Variants in WDR72 observed in about 807,000 individuals in gnomAD.
WDR72 encodes the protein WD repeat domain 72.
In WDR72, 120 loss-of-function variants were observed where a neutral mutation model predicts 124.2. The ratio of observed to expected loss-of-function variants is 0.97; its 90% CI spans 0.83 to 1.12. The LOEUF is 1.12. Ranked by LOEUF, WDR72 falls within the 50% of genes most tolerant of loss-of-function variation. WDR72 has a pLI of 0.00. For missense variants in WDR72, 1,387 were observed against 1,278.8 expected, an observed-to-expected ratio of 1.08 and a Z score of -1.29; for synonymous variants, 452 against 441.7, an observed-to-expected ratio of 1.02 and a Z score of -0.29.
At position 53,691,439 on chromosome 15, in the gene WDR72, A is replaced by C. The variant is rs534698783; in HGVS notation, c.1765+8311T>G. Among the ~76,000 whole-genome samples, 3 of 152,318 alleles carry C rather than the reference A, an allele frequency of 2.0e-5. No homozygotes were observed. In the East Asian group the frequency reaches 5.8e-4, roughly 29 times the overall value. ...ATTCTGGGTATTAGACCATTAACAG[A>C]TGTACAATTTGCAAATTACTTTTCC... is the stretch of plus-strand genomic sequence containing the variant. On this transcript the variant is annotated intron_variant, in intron 13 of 19. Coordinates refer to ENST00000360509, the MANE Select transcript of WDR72 (RefSeq NM_182758.4).
At chr15:53,638,587 T>C (rs1489351280) in intron 14 of WDR72, among the ~76,000 whole-genome samples, 1 of 147,136 alleles carries the variant, frequency 6.8e-6, no homozygotes, top group Non-Finnish European at 1.5e-5. Context: ...ATTCTTTTTT[T>C]TTTTTTTTTT....
At chr15:53,623,623 G>T (rs1239144225) in intron 14 of WDR72, among the ~76,000 whole-genome samples, 2 of 152,058 alleles carry the variant, frequency 1.3e-5, no homozygotes, top group African/African-American at 4.8e-5. Flanking sequence ...GAACATACAA[G>T]ATCACGTGTC....
intron 13 of WDR72, among the ~76,000 whole-genome samples, chr15:53,697,576 T>G (rs2017042264): frequency 6.6e-6 from 1 of 152,168 alleles, no homozygotes. Flanking sequence ...TGCCAGTGCC[T>G]GGGTGCTGGA....
chr15:53,673,542 T>C (rs990736175), intron 13 of WDR72, among the ~76,000 whole-genome samples: 3 of 152,304 alleles, frequency 2.0e-5, no homozygotes, highest in East Asian at 1.9e-4. Context: ...ACCATTTCTA[T>C]AGAAACATAA....
chr15:53,722,975 T>A (rs1595874644), intron 2 of WDR72, 67 bp from the exon 3 acceptor site: 1 of 1,398,980 alleles, frequency 7.1e-7, no homozygotes, highest in Admixed American at 1.7e-5. Flanking sequence ...CACCACAATA[T>A]AGTATTCATA....
intron 14 of WDR72, among the ~76,000 whole-genome samples, chr15:53,620,223 T>C (rs1230543789): frequency 6.6e-6 from 1 of 152,034 alleles, no homozygotes; most frequent in East Asian, 1.9e-4. Flanking sequence ...AAATGTCCCA[T>C]ACAATAGATT....
At chr15:53,617,832 A>G (rs1012325551) in intron 14 of WDR72, among the ~76,000 whole-genome samples, 3 of 151,978 alleles carry the variant, frequency 2.0e-5, no homozygotes, top group African/African-American at 7.2e-5. Flanking sequence ...TTTTCAAAAG[A>G]CAGGAGAAAA....
At chr15:53,650,851 G>A (rs1209526252) in intron 14 of WDR72, among the ~76,000 whole-genome samples, 1 of 143,310 alleles carries the variant, frequency 7.0e-6, no homozygotes, top group Admixed American at 7.0e-5. Flanking sequence ...CTTCAACTAA[G>A]CAATGGACTC....
chr15:53,569,939 G>A (rs541246121), intron 18 of WDR72, among the ~76,000 whole-genome samples: 3 of 152,084 alleles, frequency 2.0e-5, no homozygotes, highest in African/African-American at 7.2e-5. Flanking sequence ...TGTATGTAAC[G>A]GTGATTCACA....
chr15:53,542,945 T>C (rs944905338), intron 18 of WDR72, among the ~76,000 whole-genome samples: 1 of 151,676 alleles, frequency 6.6e-6, no homozygotes, highest in Non-Finnish European at 1.5e-5. Context: ...AAGAGCTAAC[T>C]ATCCTAAATA....
intron 14 of WDR72, among the ~76,000 whole-genome samples, chr15:53,660,258 T>C (rs2015565334): frequency 6.6e-6 from 1 of 152,012 alleles, no homozygotes; most frequent in Admixed American, 6.6e-5. Context: ...AAAATAAAGA[T>C]AGTTTAATAA....
intron 18 of WDR72, among the ~76,000 whole-genome samples, chr15:53,593,827 C>A (rs1421575176): frequency 6.6e-6 from 1 of 151,512 alleles, no homozygotes; most frequent in Admixed American, 6.6e-5. Flanking sequence ...TGTATTTCAA[C>A]ACTTTTAATG....
intron 16 of WDR72, among the ~76,000 whole-genome samples, chr15:53,612,764 T>A (rs1457239355): frequency 6.6e-6 from 1 of 152,078 alleles, no homozygotes; most frequent in African/African-American, 2.4e-5. Flanking sequence ...CGAGTGAGGT[T>A]CTGACTTAGT....
chr15:53,708,317 G>T (rs1159686036), intron 9 of WDR72, among the ~76,000 whole-genome samples: 1 of 152,174 alleles, frequency 6.6e-6, no homozygotes, highest in African/African-American at 2.4e-5. Flanking sequence ...GTTGGTTACT[G>T]TAGGCAATTT....
intron 14 of WDR72, among the ~76,000 whole-genome samples, chr15:53,638,695 C>G (rs1452436073): frequency 6.7e-6 from 1 of 149,304 alleles, no homozygotes; most frequent in East Asian, 2.0e-4. Flanking sequence ...ATTATTTGTG[C>G]TCTGATACGT....
intron 14 of WDR72, among the ~76,000 whole-genome samples, chr15:53,663,730 G>A (rs561580268): frequency 1.5e-4 from 23 of 152,038 alleles, no homozygotes; most frequent in Non-Finnish European, 3.2e-4. Flanking sequence ...GTTATGAATA[G>A]TGAGCAACAA....
At chr15:53,754,950 A>C (rs2018862531) in intron 1 of WDR72, among the ~76,000 whole-genome samples, 1 of 152,228 alleles carries the variant, frequency 6.6e-6, no homozygotes, top group Non-Finnish European at 1.5e-5. Flanking sequence ...AAAAGACTCT[A>C]TCTTGGCAGA....
At chr15:53,638,837 T>C (rs190085479) in intron 14 of WDR72, among the ~76,000 whole-genome samples, 4 of 152,072 alleles carry the variant, frequency 2.6e-5, no homozygotes, top group African/African-American at 9.6e-5. Flanking sequence ...ACCCCGTCTC[T>C]ACTAAAAATA....
At chr15:53,577,426 C>G (rs1323364201) in intron 18 of WDR72, among the ~76,000 whole-genome samples, 1 of 152,052 alleles carries the variant, frequency 6.6e-6, no homozygotes, top group African/African-American at 2.4e-5. Context: ...GACAAGACTT[C>G]TGAGAGATGA....
Sources: allele counts gnomAD v4.1 joint callset (sites outside exome capture counted in the v4.1 genomes callset), GRCh38; gene constraint gnomAD v4.1.1; transcripts MANE v1.5; gene names NCBI Gene and HGNC (gene_info 2026-07-23, HGNC 2026-07-21).